Variants in RASGRP1 observed in about 807,000 individuals in gnomAD.
RASGRP1 encodes the protein RAS guanyl releasing protein 1.
A neutral mutation model predicts 95.1 loss-of-function variants in RASGRP1; 37 were observed. The observed-to-expected ratio is 0.39, with a 90% CI of 0.30 to 0.51. The LOEUF is 0.51. Ranked by LOEUF, RASGRP1 falls within the 20% of genes least tolerant of loss-of-function variation. The probability of loss-of-function intolerance (pLI) is 0.80; values close to 1 mark genes in which losing one functional copy is unlikely to be tolerated. For synonymous variants in RASGRP1, 325 were observed against 353.4 expected (o/e 0.92, Z 0.90); for missense variants, 711 against 965.4 (o/e 0.74, Z 3.49).
intron 7 of RASGRP1, among the ~76,000 whole-genome samples, chr15:38,512,171 G>A (rs948779935): frequency 6.6e-6 from 1 of 152,212 alleles, no homozygotes. Flanking sequence ...GTTGGAGAAA[G>A]ATATTATTAA....
At chr15:38,557,874 TC>T (rs1166781927) in intron 2 of RASGRP1, among the ~76,000 whole-genome samples, 1 of 152,180 alleles carries the variant, frequency 6.6e-6, no homozygotes, top group Admixed American at 6.5e-5. Flanking sequence ...CAATATATTG[TC>T]GTTGCCTTTG....
At chr15:38,509,916 C>T (rs921229219) in intron 8 of RASGRP1, among the ~76,000 whole-genome samples, 9 of 152,108 alleles carry the variant, frequency 5.9e-5, no homozygotes, top group African/African-American at 2.2e-4. Context: ...CATTTCTCCA[C>T]AATGAAGAAC....
At chr15:38,509,945 G>C (rs1449055335) in intron 8 of RASGRP1, among the ~76,000 whole-genome samples, 1 of 152,136 alleles carries the variant, frequency 6.6e-6, no homozygotes, top group Non-Finnish European at 1.5e-5. Context: ...CTTGGAGTCA[G>C]ACCCCTTCAA....
intron 2 of RASGRP1, among the ~76,000 whole-genome samples, chr15:38,541,235 T>A (rs1892846029): frequency 6.6e-6 from 1 of 152,178 alleles, no homozygotes; most frequent in Non-Finnish European, 1.5e-5. Flanking sequence ...AATAAAAGCA[T>A]AAAGACAGGG....
At chr15:38,526,576 C>G (rs1328251299) in intron 2 of RASGRP1, among the ~76,000 whole-genome samples, 172 bp from the exon 3 acceptor site, 2 of 152,158 alleles carry the variant, frequency 1.3e-5, no homozygotes, top group African/African-American at 4.8e-5. Context: ...CTACATTCTT[C>G]CCTTGCAGAA....
intron 2 of RASGRP1, among the ~76,000 whole-genome samples, chr15:38,541,165 C>A (rs1385161576): frequency 1.3e-5 from 2 of 152,212 alleles, no homozygotes; most frequent in Non-Finnish European, 2.9e-5. Context: ...CATGCATTAT[C>A]TCATTTGACC....
At chr15:38,529,257 T>G (rs1400779375) in intron 2 of RASGRP1, among the ~76,000 whole-genome samples, 1 of 152,174 alleles carries the variant, frequency 6.6e-6, no homozygotes, top group African/African-American at 2.4e-5. Flanking sequence ...CTTAGTACAC[T>G]TCAGTGGATT....
At chr15:38,532,717 A>G (rs1892492692) in intron 2 of RASGRP1, among the ~76,000 whole-genome samples, 1 of 152,176 alleles carries the variant, frequency 6.6e-6, no homozygotes, top group Admixed American at 6.5e-5. Context: ...TTCTACTTCA[A>G]GTAGAAATAA....
At chr15:38,524,717 A>G (rs529849465) in intron 3 of RASGRP1, among the ~76,000 whole-genome samples, 70 of 152,210 alleles carry the variant, frequency 4.6e-4, no homozygotes, top group African/African-American at 1.6e-3. Flanking sequence ...CAAATTTTTA[A>G]CCCTAACAAT....
intron 2 of RASGRP1, among the ~76,000 whole-genome samples, chr15:38,547,372 T>G (rs1893144165): frequency 6.6e-6 from 1 of 152,066 alleles, no homozygotes. Flanking sequence ...CTTAACACCC[T>G]CTAAAAGCAG....
intron 2 of RASGRP1, among the ~76,000 whole-genome samples, chr15:38,556,133 T>C (rs999926172): frequency 6.6e-6 from 1 of 152,238 alleles, no homozygotes; most frequent in Non-Finnish European, 1.5e-5. Context: ...TTGTGATGAT[T>C]TGCCTTATTA....
At chr15:38,543,496 A>T (rs540817655) in intron 2 of RASGRP1, among the ~76,000 whole-genome samples, 9 of 146,500 alleles carry the variant, frequency 6.1e-5, no homozygotes, top group African/African-American at 2.2e-4. Flanking sequence ...CTTTTTCAAG[A>T]TTCTGGTTAT....
chr15:38,504,821 A>G (rs1294414451), intron 10 of RASGRP1: 2 of 152,166 alleles, frequency 1.3e-5, no homozygotes, highest in Non-Finnish European at 2.9e-5. Context: ...TTGTGCTACA[A>G]TGTTACAATT....
At chr15:38,556,661 T>C (rs1893565356) in intron 2 of RASGRP1, among the ~76,000 whole-genome samples, 1 of 152,238 alleles carries the variant, frequency 6.6e-6, no homozygotes, top group South Asian at 2.1e-4. Flanking sequence ...TTGTGGCTAT[T>C]GCACACTTCG....
At chr15:38,530,901 G>C (rs1379244007) in intron 2 of RASGRP1, among the ~76,000 whole-genome samples, 1 of 152,070 alleles carries the variant, frequency 6.6e-6, no homozygotes, top group East Asian at 1.9e-4. Flanking sequence ...TTGTTCTATG[G>C]GGCCACAAAA....
chr15:38,496,299 G>A (rs1890789903), intron 15 of RASGRP1, among the ~76,000 whole-genome samples: 2 of 152,126 alleles, frequency 1.3e-5, no homozygotes, highest in Admixed American at 1.3e-4. Flanking sequence ...TGTTGCCCAT[G>A]ATACATGTAT....
chr15:38,506,082 A>G (rs1370125084), intron 9 of RASGRP1, among the ~76,000 whole-genome samples, 162 bp from the exon 10 acceptor site: 1 of 152,040 alleles, frequency 6.6e-6, no homozygotes, highest in Non-Finnish European at 1.5e-5. Context: ...TACTATTGCA[A>G]TAGGGCAAGC....
chr15:38,532,262 T>C (rs1017436416), intron 2 of RASGRP1, among the ~76,000 whole-genome samples: 3 of 152,256 alleles, frequency 2.0e-5, no homozygotes, highest in African/African-American at 7.2e-5. Flanking sequence ...GCGTATTTTT[T>C]CATTACCATC....
chr15:38,540,820 T>A (rs1892832088), intron 2 of RASGRP1, among the ~76,000 whole-genome samples: 1 of 152,262 alleles, frequency 6.6e-6, no homozygotes, highest in African/African-American at 2.4e-5. Flanking sequence ...AAAGCCTTTT[T>A]AGGTTTTTGT....
Sources: gnomAD v4.1 joint callset for allele counts (sites outside exome capture counted in the v4.1 genomes callset) on GRCh38, gnomAD v4.1.1 for gene constraint, MANE v1.5 for transcripts, NCBI Gene and HGNC (gene_info 2026-07-23, HGNC 2026-07-21) for gene names.